The following PARD3 variants were observed in gnomAD, a reference collection of about 807,000 sequenced individuals.
PARD3 encodes the protein partitioning defective 3 homolog.
Under a neutral mutation model 155.4 loss-of-function variants are expected in PARD3, and 75 were observed. The ratio of observed to expected loss-of-function variants is 0.48; its 90% CI spans 0.40 to 0.58. The LOEUF (loss-of-function observed/expected upper bound fraction) is 0.58, where lower values mean the gene tolerates loss of function less well. Ranked by LOEUF, PARD3 falls within the 20% of genes least tolerant of loss-of-function variation. The pLI, the probability that PARD3 is intolerant of heterozygous loss-of-function variation, is 0.00. For missense variants in PARD3, 1,642 were observed against 1,721.7 expected, an observed-to-expected ratio of 0.95 and a Z score of 0.82; for synonymous variants, 576 against 610.5, an observed-to-expected ratio of 0.94 and a Z score of 0.83.
At chr10:34,396,812 ATAC>A (rs1843393044) in intron 7 of PARD3, among the ~76,000 whole-genome samples, 1 of 152,036 alleles carries the variant, frequency 6.6e-6, no homozygotes, top group Non-Finnish European at 1.5e-5. Context: ...CCTTCCTGCT[ATAC>A]TACATTGCTT....
At chr10:34,760,525 G>A (rs369003002) in intron 1 of PARD3, among the ~76,000 whole-genome samples, 4 of 152,046 alleles carry the variant, frequency 2.6e-5, no homozygotes, top group African/African-American at 4.8e-5. Context: ...AGAGAAGATC[G>A]TTTCACCTTG....
At chr10:34,720,812 A>G (rs1332790971) in intron 1 of PARD3, among the ~76,000 whole-genome samples, 2 of 152,134 alleles carry the variant, frequency 1.3e-5, no homozygotes, top group African/African-American at 4.8e-5. Flanking sequence ...AAAAAAAAGA[A>G]TTCTTAACCC....
intron 2 of PARD3, among the ~76,000 whole-genome samples, chr10:34,539,831 C>A (rs902380639): frequency 1.3e-5 from 2 of 152,168 alleles, no homozygotes; most frequent in Non-Finnish European, 2.9e-5. Context: ...CTGAAATAGG[C>A]CAGGGCGGGA....
In PARD3 at chr10:34,266,023, T is replaced by C. The variant is rs146884634; in HGVS notation, c.3419+3634A>G. On this transcript the variant is annotated intron_variant, in intron 22 of 24. Coordinates refer to ENST00000374788, the MANE Select transcript of PARD3 (RefSeq NM_001184785.2). ...AAGAGTTTAGATTTAAGAAACATTA[T>C]TGGCCACATTAAGTTAATGTTGTTC... Among the ~76,000 whole-genome samples the C allele has an allele frequency of 7.1e-4, 108 of 152,352 alleles. 3 individuals are homozygous for C. The East Asian group carries it at 0.02, about 28-fold the overall frequency.
At chr10:34,459,854 T>G (rs570607943) in intron 4 of PARD3, among the ~76,000 whole-genome samples, 4 of 152,256 alleles carry the variant, frequency 2.6e-5, no homozygotes, top group Middle Eastern at 3.4e-3. Flanking sequence ...CAGCCCACAA[T>G]CCAAACTCCA....
intron 18 of PARD3, among the ~76,000 whole-genome samples, chr10:34,332,356 C>T (rs974652395): frequency 6.6e-6 from 1 of 152,020 alleles, no homozygotes; most frequent in Admixed American, 6.6e-5. Context: ...CAGCTCTGCA[C>T]CACCACCTGG....
intron 20 of PARD3, among the ~76,000 whole-genome samples, chr10:34,313,550 T>G (rs1361587572): frequency 1.3e-5 from 2 of 152,220 alleles, no homozygotes; most frequent in East Asian, 1.9e-4. Context: ...TATTAATAAT[T>G]AAATCATCTT....
chr10:34,407,898 T>G (rs978019596), intron 5 of PARD3, among the ~76,000 whole-genome samples: 2 of 151,614 alleles, frequency 1.3e-5, no homozygotes, highest in African/African-American at 4.8e-5. Context: ...AGTACAGGAC[T>G]TGTAACTAGA....
intron 15 of PARD3, 49 bp downstream of exon 15, chr10:34,347,916 A>G (rs202036566): frequency 1.3e-5 from 19 of 1,513,266 alleles, no homozygotes; most frequent in Non-Finnish European, 1.4e-5. Flanking sequence ...CAGTAAACCA[A>G]TGAAAGCATC....
At chr10:34,449,742 C>A (rs2076958790) in intron 5 of PARD3, among the ~76,000 whole-genome samples, 1 of 152,144 alleles carries the variant, frequency 6.6e-6, no homozygotes, top group Non-Finnish European at 1.5e-5. Context: ...GAGTGGTAAA[C>A]AATTCTGATT....
intron 22 of PARD3, among the ~76,000 whole-genome samples, chr10:34,255,503 A>T (rs899808792): frequency 1.4e-4 from 21 of 152,302 alleles, no homozygotes; most frequent in African/African-American, 4.8e-4. Flanking sequence ...AAGACTAAAA[A>T]ATTACTGCTT....
chr10:34,432,989 A>G (rs903987164), intron 5 of PARD3, among the ~76,000 whole-genome samples: 1 of 152,236 alleles, frequency 6.6e-6, no homozygotes, highest in African/African-American at 2.4e-5. Flanking sequence ...CCACAGATCC[A>G]AAGTGCTATT....
At chr10:34,371,131 T>C (rs12255177) in intron 12 of PARD3, among the ~76,000 whole-genome samples, 6,072 of 152,068 alleles carry the variant, frequency 0.04, 394 homozygotes, top group African/African-American at 0.14. Flanking sequence ...ATATATACTC[T>C]GCCACAATTA....
At chr10:34,358,614 G>T (rs1006630119) in intron 14 of PARD3, among the ~76,000 whole-genome samples, 2 of 152,176 alleles carry the variant, frequency 1.3e-5, no homozygotes, top group African/African-American at 4.8e-5. Flanking sequence ...AATCCCTTGA[G>T]CCCAGAAGAT....
chr10:34,268,582 G>C (rs1449887907), intron 22 of PARD3, among the ~76,000 whole-genome samples: 1 of 152,000 alleles, frequency 6.6e-6, no homozygotes. Context: ...TACATACCAT[G>C]GAATACTATG....
intron 2 of PARD3, among the ~76,000 whole-genome samples, chr10:34,680,143 G>A (rs1485766937): frequency 6.6e-6 from 1 of 152,062 alleles, no homozygotes; most frequent in African/African-American, 2.4e-5. Context: ...TAGGTCTCTA[G>A]AGAAAGTACT....
At chr10:34,719,597 C>T (rs2094572930) in intron 1 of PARD3, among the ~76,000 whole-genome samples, 1 of 152,142 alleles carries the variant, frequency 6.6e-6, no homozygotes, top group Non-Finnish European at 1.5e-5. Flanking sequence ...AGAGAAACCA[C>T]CACCTACCTT....
chr10:34,595,220 A>G (rs2089139300), intron 2 of PARD3, among the ~76,000 whole-genome samples: 1 of 152,212 alleles, frequency 6.6e-6, no homozygotes, highest in Non-Finnish European at 1.5e-5. Context: ...GGCTTTGAAG[A>G]AGTCAAATTT....
Position 34,614,840 on chromosome 10 carries a change from A to C in PARD3, c.222+81478T>G, listed in dbSNP as rs150464898. Among the ~76,000 whole-genome samples the C allele has an allele frequency of 7.9e-4, 121 of 152,304 alleles. 1 individual carries two copies. The East Asian group carries it at 0.017, about 22-fold the overall frequency. On this transcript the variant is annotated intron_variant, in intron 2 of 24. Coordinates refer to ENST00000374788, the MANE Select transcript of PARD3 (RefSeq NM_001184785.2). ...ACCTCAAATAGCCAAAGTGACACTA[A>C]ACAAAATAAACGAAGCTAGAGGCAT...
Sources: gnomAD v4.1 joint callset for allele counts (sites outside exome capture counted in the v4.1 genomes callset) on GRCh38, gnomAD v4.1.1 for gene constraint, MANE v1.5 for transcripts, NCBI Gene and HGNC (gene_info 2026-07-23, HGNC 2026-07-21) for gene names.